Variants in NGEF observed in about 807,000 individuals in gnomAD.
NGEF encodes neuronal guanine nucleotide exchange factor, also known as ephexin-1.
A neutral mutation model predicts 80.9 loss-of-function variants in NGEF; 31 were observed. The observed-to-expected ratio is 0.38, with a 90% CI of 0.29 to 0.52. The LOEUF (loss-of-function observed/expected upper bound fraction) is 0.52, where lower values mean the gene tolerates loss of function less well. NGEF is among the 20% of genes least tolerant of loss of function. The probability of loss-of-function intolerance (pLI) is 0.84; values close to 1 mark genes in which losing one functional copy is unlikely to be tolerated. For synonymous variants in NGEF, 371 were observed against 370.2 expected (o/e 1.00, Z -0.03); for missense variants, 709 against 926.2 (o/e 0.77, Z 3.04).
At chr2:232,909,027 G>A (rs944426935) in intron 5 of NGEF, among the ~76,000 whole-genome samples, 6 of 152,002 alleles carry the variant, frequency 3.9e-5, no homozygotes, top group Admixed American at 1.3e-4. Context: ...GGTAGATAAC[G>A]GTAGATAAAG....
At chr2:232,900,480 T>G (rs1402639589) in intron 5 of NGEF, among the ~76,000 whole-genome samples, 1 of 96,794 alleles carries the variant, frequency 1.0e-5, no homozygotes, top group Admixed American at 1.1e-4. Context: ...ACACACACGC[T>G]CTCACAGTCA....
chr2:232,905,597 T>C, intron 5 of NGEF: 1 of 278,696 alleles, frequency 3.6e-6, no homozygotes, highest in Non-Finnish European at 7.4e-6. Flanking sequence ...TCTGCCTGGC[T>C]GCCCAGTCTG....
intron 1 of NGEF, among the ~76,000 whole-genome samples, chr2:232,979,885 G>A (rs1035816040): frequency 2.6e-5 from 4 of 151,548 alleles, no homozygotes; most frequent in Non-Finnish European, 4.4e-5. Flanking sequence ...ATAGATGAAC[G>A]GATGAGTTAC....
chr2:232,898,068 GT>G (rs1365767946), intron 5 of NGEF, among the ~76,000 whole-genome samples: 1 of 146,270 alleles, frequency 6.8e-6, no homozygotes, highest in African/African-American at 2.4e-5. Flanking sequence ...CGGGCAGCCA[GT>G]TTCCCAGAAG....
chr2:232,889,827 T>G (rs1490978959), intron 8 of NGEF, among the ~76,000 whole-genome samples: 1 of 152,176 alleles, frequency 6.6e-6, no homozygotes, highest in Admixed American at 6.5e-5. Context: ...GTAATTCTGC[T>G]CTTTCTGGAG....
At chr2:232,956,284 G>C (rs945891895) in intron 3 of NGEF, among the ~76,000 whole-genome samples, 4 of 152,160 alleles carry the variant, frequency 2.6e-5, no homozygotes, top group African/African-American at 9.7e-5. Flanking sequence ...AGAGAAACAA[G>C]CTTATGGGTC....
At chr2:232,901,105 A>G (rs1692341535) in intron 5 of NGEF, among the ~76,000 whole-genome samples, 1 of 152,200 alleles carries the variant, frequency 6.6e-6, no homozygotes, top group Non-Finnish European at 1.5e-5. Flanking sequence ...TGATGGAGAA[A>G]GGCGGAAGCT....
At chr2:232,900,182 T>TCACA (rs200272555) in intron 5 of NGEF, among the ~76,000 whole-genome samples, 2 of 59,770 alleles carry the variant, frequency 3.3e-5, no homozygotes, top group Non-Finnish European at 6.1e-5. Context: ...TCACTCACAT[T>TCACA]CACACACACG....
At chr2:232,948,579 G>T (rs1247679714) in intron 3 of NGEF, among the ~76,000 whole-genome samples, 1 of 152,100 alleles carries the variant, frequency 6.6e-6, no homozygotes, top group Admixed American at 6.5e-5. Flanking sequence ...ATAGATTTTT[G>T]ACTCTAGATT....
At chr2:232,917,508 C>T (rs745326912) in intron 5 of NGEF, among the ~76,000 whole-genome samples, 31 of 149,418 alleles carry the variant, frequency 2.1e-4, no homozygotes, top group Non-Finnish European at 4.6e-4. Context: ...CTTGCACTGT[C>T]GCCTGGGCTG....
intron 1 of NGEF, among the ~76,000 whole-genome samples, chr2:232,981,299 G>A (rs1287854351): frequency 6.6e-6 from 1 of 151,348 alleles, no homozygotes; most frequent in African/African-American, 2.4e-5. Flanking sequence ...TTCAGTTCAC[G>A]GTTTGACTCT....
intron 1 of NGEF, 134 bp from the exon 2 acceptor site, chr2:232,975,098 C>T: frequency 1.8e-6 from 1 of 568,004 alleles, no homozygotes; most frequent in South Asian, 2.5e-5. Context: ...ACGTCTTCGC[C>T]ACTGAAAATT....
intron 14 of NGEF, among the ~76,000 whole-genome samples, chr2:232,880,523 C>A (rs1231988940): frequency 4.6e-5 from 7 of 152,334 alleles, no homozygotes; most frequent in African/African-American, 1.4e-4. Flanking sequence ...CAGGACCCGG[C>A]AGGAGGAGAG....
At chr2:232,968,441 T>G (rs1694113401) in intron 3 of NGEF, among the ~76,000 whole-genome samples, 1 of 151,442 alleles carries the variant, frequency 6.6e-6, no homozygotes, top group African/African-American at 2.4e-5. Context: ...AGTCTCGCTC[T>G]GTTGCGCAGG....
At chr2:232,965,520 T>C (rs745874224) in intron 3 of NGEF, among the ~76,000 whole-genome samples, 10 of 152,022 alleles carry the variant, frequency 6.6e-5, no homozygotes, top group Non-Finnish European at 1.3e-4. Flanking sequence ...CGGGAGCAAA[T>C]GACAGAGAGT....
At chr2:232,993,596 C>T (rs1694719020) in intron 1 of NGEF, among the ~76,000 whole-genome samples, 1 of 152,096 alleles carries the variant, frequency 6.6e-6, no homozygotes. Flanking sequence ...TGAAAACATA[C>T]ATCCACACAC....
At chr2:232,900,038 TCA>T (rs369647779) in intron 5 of NGEF, among the ~76,000 whole-genome samples, 1,598 of 102,066 alleles carry the variant, frequency 0.016, 30 homozygotes, top group Middle Eastern at 0.031. Context: ...TCACATTCAC[TCA>T]CACACACACG....
At chr2:232,951,866 G>A (rs543259318) in intron 3 of NGEF, among the ~76,000 whole-genome samples, 1 of 152,098 alleles carries the variant, frequency 6.6e-6, no homozygotes, top group Non-Finnish European at 1.5e-5. Flanking sequence ...AGGGAATTTT[G>A]AGTGGCAGGT....
intron 4 of NGEF, among the ~76,000 whole-genome samples, chr2:232,923,628 G>C (rs933059403): frequency 6.6e-6 from 1 of 152,016 alleles, no homozygotes; most frequent in African/African-American, 2.4e-5. Flanking sequence ...CCAGCTACTC[G>C]GGAGGATGAG....
Sources: gnomAD v4.1 joint callset for allele counts (sites outside exome capture counted in the v4.1 genomes callset) on GRCh38, gnomAD v4.1.1 for gene constraint, MANE v1.5 for transcripts, NCBI Gene and HGNC (gene_info 2026-07-23, HGNC 2026-07-21) for gene names.